ZNF385D: variants seen among roughly 807,000 people sequenced by gnomAD.
ZNF385D encodes zinc finger protein 385D, also known as zinc finger protein 659.
In ZNF385D, 15 loss-of-function variants were observed where a neutral mutation model predicts 35.8. The observed-to-expected ratio is 0.42, with a 90% CI of 0.28 to 0.64. The LOEUF (loss-of-function observed/expected upper bound fraction) is 0.64. ZNF385D is among the 30% of genes least tolerant of loss of function. The probability of loss-of-function intolerance (pLI) is 0.23; values close to 1 mark genes in which losing one functional copy is unlikely to be tolerated. For missense variants in ZNF385D, 474 were observed against 494.6 expected (o/e 0.96, Z 0.39); for synonymous variants, 212 against 186.8 (o/e 1.13, Z -1.10).
At chr3:22,366,694 G>T (rs879607700) in intron 2 of ZNF385D, among the ~76,000 whole-genome samples, 1 of 152,074 alleles carries the variant, frequency 6.6e-6, no homozygotes, top group Non-Finnish European at 1.5e-5. Context: ...ACATTAGTTC[G>T]TAATCCTTAG....
intron 2 of ZNF385D, among the ~76,000 whole-genome samples, chr3:22,223,167 C>G (rs1467490085): frequency 6.6e-6 from 1 of 152,000 alleles, no homozygotes; most frequent in Admixed American, 6.6e-5. Context: ...TTTTCAGAAG[C>G]AATTATTTAG....
intron 3 of ZNF385D, among the ~76,000 whole-genome samples, chr3:21,881,559 G>C (rs1698276768): frequency 6.6e-6 from 1 of 151,984 alleles, no homozygotes; most frequent in Admixed American, 6.6e-5. Context: ...CTTTAATGGA[G>C]ATGTACAAGG....
rs531009539 is a variant in ZNF385D at position 22,066,104 on chromosome 3, C to T, written c.325+102713G>A. ...CAATGAGCAGGGAAAGGGGAGCCAA[C>T]CGAGAAGAGTTGAAAGATGTGATAG... is the stretch of plus-strand genomic sequence containing the variant. On this transcript the variant is annotated intron_variant, in intron 3 of 5. Coordinates refer to the ZNF385D transcript ENST00000494108. Among the ~76,000 whole-genome samples, 4 of 152,058 alleles carry T rather than the reference C, an allele frequency of 2.6e-5. No individual in the cohort carries two copies. In the South Asian group the frequency reaches 8.3e-4, roughly 32 times the overall value.
chr3:22,094,363 T>C (rs1042474940), intron 3 of ZNF385D, among the ~76,000 whole-genome samples: 2 of 114,284 alleles, frequency 1.8e-5, no homozygotes, highest in Admixed American at 8.8e-5. Flanking sequence ...CATTTTACCA[T>C]TGTCTTCTGT....
intron 3 of ZNF385D, among the ~76,000 whole-genome samples, chr3:21,971,242 A>G (rs751724833): frequency 9.9e-5 from 15 of 152,130 alleles, no homozygotes; most frequent in South Asian, 4.1e-4. Flanking sequence ...AGATGAACCT[A>G]GCAAAAATAA....
intron 2 of ZNF385D, among the ~76,000 whole-genome samples, chr3:22,239,679 C>G (rs1421913735): frequency 1.3e-5 from 2 of 150,810 alleles, no homozygotes; most frequent in Non-Finnish European, 2.9e-5. Context: ...TTAAAAATAT[C>G]CTCCAATAAA....
At chr3:22,010,203 C>G (rs1696484229) in intron 3 of ZNF385D, among the ~76,000 whole-genome samples, 1 of 152,074 alleles carries the variant, frequency 6.6e-6, no homozygotes, top group African/African-American at 2.4e-5. Context: ...GATGACGAAA[C>G]AGGATGAGCA....
Position 22,261,573 on chromosome 3 carries a change from G to A in ZNF385D, c.107-92538C>T, listed in dbSNP as rs370340132. ...TCCGTCCCTATCCTGCTCTGTGCCT[G>A]GAAACCTAGCCTTATGGTCTTCTTC... On this transcript the variant is annotated intron_variant, in intron 2 of 5. Transcript: ENST00000494108. Among the ~76,000 whole-genome samples the A allele has an allele frequency of 2.0e-5, 3 of 151,898 alleles. No homozygotes were observed. The East Asian group carries it at 5.8e-4, about 29-fold the overall frequency.
At chr3:21,942,831 C>G (rs1176516596) in intron 3 of ZNF385D, among the ~76,000 whole-genome samples, 1 of 152,142 alleles carries the variant, frequency 6.6e-6, no homozygotes, top group Admixed American at 6.6e-5. Context: ...TCCCTAATCA[C>G]AGATATAATA....
At chr3:21,481,499 C>A (rs1156277682) in intron 4 of ZNF385D, among the ~76,000 whole-genome samples, 1 of 152,144 alleles carries the variant, frequency 6.6e-6, no homozygotes, top group Non-Finnish European at 1.5e-5. Context: ...AATTCATCGC[C>A]TCATGAGATA....
At chr3:22,028,602 G>C (rs904679850) in intron 3 of ZNF385D, among the ~76,000 whole-genome samples, 6 of 152,200 alleles carry the variant, frequency 3.9e-5, no homozygotes, top group Non-Finnish European at 8.8e-5. Context: ...ATTTACTCTG[G>C]ATATGGGTTT....
intron 3 of ZNF385D, among the ~76,000 whole-genome samples, chr3:21,918,635 A>G (rs1700308419): frequency 6.6e-6 from 1 of 152,178 alleles, no homozygotes; most frequent in Non-Finnish European, 1.5e-5. Flanking sequence ...AGGGTATTAC[A>G]TGGTCTGTGG....
At chr3:21,674,507 T>C (rs1199002454) in intron 1 of ZNF385D, among the ~76,000 whole-genome samples, 2 of 152,102 alleles carry the variant, frequency 1.3e-5, no homozygotes, top group African/African-American at 4.8e-5. Context: ...ATGTGAATCA[T>C]AAAATGTAAA....
At chr3:21,713,173 A>G (rs2068179898) in intron 1 of ZNF385D, among the ~76,000 whole-genome samples, 1 of 152,350 alleles carries the variant, frequency 6.6e-6, no homozygotes, top group Non-Finnish European at 1.5e-5. Flanking sequence ...TGTGGAGTTA[A>G]GAATACCTGC....
chr3:21,828,232 G>A lies in ZNF385D; in HGVS notation c.326-163204C>T, dbSNP rs139131637. ...TCCTTTTAAACTAATATGTTTATCCGTGTTGAGAAGTTCGTGGTCATGTAG... is the reference window on the plus strand; with the variant it reads ...TCCTTTTAAACTAATATGTTTATCCATGTTGAGAAGTTCGTGGTCATGTAG... On this transcript the variant is annotated intron_variant, in intron 3 of 5. Transcript: ENST00000494108. Among the ~76,000 whole-genome samples, 7 of 152,216 alleles carry A rather than the reference G, an allele frequency of 4.6e-5. No individual in the cohort carries two copies. The South Asian group carries it at 8.3e-4, about 18-fold the overall frequency.
chr3:21,577,301 C>T (rs2063522625), intron 2 of ZNF385D, among the ~76,000 whole-genome samples: 2 of 152,178 alleles, frequency 1.3e-5, no homozygotes, highest in South Asian at 4.1e-4. Flanking sequence ...GACATAATGT[C>T]CTCCAGGATC....
intron 2 of ZNF385D, among the ~76,000 whole-genome samples, chr3:21,574,620 A>G (rs2063439572): frequency 6.6e-6 from 1 of 152,148 alleles, no homozygotes; most frequent in South Asian, 2.1e-4. Flanking sequence ...ATAGTGAAAT[A>G]TATACCAACA....
chr3:21,669,556 T>G (rs1346343182), intron 1 of ZNF385D, among the ~76,000 whole-genome samples: 1 of 152,208 alleles, frequency 6.6e-6, no homozygotes, highest in African/African-American at 2.4e-5. Context: ...TTTGCATTTT[T>G]GAAAAGCAAA....
intron 3 of ZNF385D, among the ~76,000 whole-genome samples, chr3:22,091,652 C>T: frequency 6.6e-6 from 1 of 152,132 alleles, no homozygotes; most frequent in East Asian, 1.9e-4. Context: ...AGCTTCTCAC[C>T]TATTTCCTAA....
Sources: gnomAD v4.1 joint callset for allele counts (sites outside exome capture counted in the v4.1 genomes callset) on GRCh38, gnomAD v4.1.1 for gene constraint, MANE v1.5 for transcripts, NCBI Gene and HGNC (gene_info 2026-07-23, HGNC 2026-07-21) for gene names.